LOC400499: variants seen among roughly 807,000 people sequenced by gnomAD.
At chr16:11,483,774 C>A in the LOC400499 span, among the ~76,000 whole-genome samples, 1 of 151,034 alleles carries the variant, frequency 6.6e-6, no homozygotes. Flanking sequence ...ACTCCGGAAG[C>A]TGAGGTGGAA....
chr16:11,472,766 G>C, the LOC400499 span: 2 of 152,240 alleles, frequency 1.3e-5, no homozygotes, highest in Admixed American at 1.3e-4. Context: ...TAACAGGTCA[G>C]TAAGTGTTGA....
the LOC400499 span, among the ~76,000 whole-genome samples, chr16:11,431,996 G>A: frequency 6.6e-6 from 1 of 152,178 alleles, no homozygotes; most frequent in Non-Finnish European, 1.5e-5. Flanking sequence ...CAGCCACCTG[G>A]TAAGAAGTCT....
the LOC400499 span, among the ~76,000 whole-genome samples, chr16:11,404,385 C>T: frequency 3.9e-5 from 6 of 152,222 alleles, no homozygotes; most frequent in South Asian, 1.0e-3. Flanking sequence ...GTCTCACTCT[C>T]GCTCAGGCTG....
chr16:11,520,166 G>C, the LOC400499 span, among the ~76,000 whole-genome samples: 2 of 152,108 alleles, frequency 1.3e-5, no homozygotes, highest in Non-Finnish European at 2.9e-5. Flanking sequence ...GATGGAGGGT[G>C]GTGATGGTTG....
At chr16:11,396,479 C>T in the LOC400499 span, 1 of 1,232,052 alleles carries the variant, frequency 8.1e-7, no homozygotes, top group Non-Finnish European at 1.0e-6. Context: ...ATATCTTTCC[C>T]AGGGACTGTC....
At chr16:11,482,418 T>C in the LOC400499 span, among the ~76,000 whole-genome samples, 5 of 152,154 alleles carry the variant, frequency 3.3e-5, no homozygotes, top group Non-Finnish European at 5.9e-5. Flanking sequence ...CTCTGTAACA[T>C]CCCATCAGGC....
the LOC400499 span, among the ~76,000 whole-genome samples, chr16:11,374,983 G>A: frequency 6.6e-6 from 1 of 151,938 alleles, no homozygotes; most frequent in Non-Finnish European, 1.5e-5. Flanking sequence ...CAAATAGCTG[G>A]GATTACAGGC....
At chr16:11,515,477 ACG>A in the LOC400499 span, among the ~76,000 whole-genome samples, 1 of 145,114 alleles carries the variant, frequency 6.9e-6, no homozygotes, top group African/African-American at 2.9e-5. Flanking sequence ...ATACATACGT[ACG>A]TACATACATA....
chr16:11,413,098 C>T, the LOC400499 span: 17 of 396,074 alleles, frequency 4.3e-5, 1 homozygote, highest in East Asian at 2.9e-4. Context: ...AACACTCTCA[C>T]AGGTGCTGAG....
At chr16:11,450,788 C>G in the LOC400499 span, 1 of 1,535,888 alleles carries the variant, frequency 6.5e-7, no homozygotes, top group Non-Finnish European at 8.7e-7. Context: ...GCTGCAGAGA[C>G]CATCAGCCAT....
At chr16:11,481,620 G>A in the LOC400499 span, among the ~76,000 whole-genome samples, 2 of 151,960 alleles carry the variant, frequency 1.3e-5, no homozygotes, top group African/African-American at 4.8e-5. Flanking sequence ...ACCGCGCCCA[G>A]CCCTATTTTA....
At chr16:11,382,051 C>G in the LOC400499 span, among the ~76,000 whole-genome samples, 4 of 152,118 alleles carry the variant, frequency 2.6e-5, no homozygotes, top group African/African-American at 9.7e-5. Flanking sequence ...ATTCTCCTGC[C>G]TCAGCCTTCA....
the LOC400499 span, among the ~76,000 whole-genome samples, chr16:11,413,665 C>G: frequency 2.0e-5 from 3 of 152,208 alleles, no homozygotes; most frequent in African/African-American, 4.8e-5. Flanking sequence ...CACACTCTCA[C>G]GTGTGACCCA....
the LOC400499 span, among the ~76,000 whole-genome samples, chr16:11,522,842 G>T: frequency 6.6e-6 from 1 of 152,070 alleles, no homozygotes; most frequent in Admixed American, 6.6e-5. Context: ...GGGGGATCTG[G>T]GGGTGAGGAG....
At chr16:11,450,731 C>T in the LOC400499 span, 2 of 1,536,154 alleles carry the variant, frequency 1.3e-6, no homozygotes, top group East Asian at 2.4e-5. Flanking sequence ...AGCGTTAGCT[C>T]CAGGACAGCC....
the LOC400499 span, chr16:11,384,777 C>T: frequency 0.19 from 181,539 of 974,658 alleles, 17,935 homozygotes; most frequent in Middle Eastern, 0.33. Context: ...GAGACGAGGC[C>T]GGCAGAGGCT....
At chr16:11,407,801 G>C in the LOC400499 span, among the ~76,000 whole-genome samples, 6 of 152,172 alleles carry the variant, frequency 3.9e-5, no homozygotes, top group African/African-American at 9.6e-5. Context: ...ACAGGGATAA[G>C]GACACCTATT....
At chr16:11,401,167 A>T in the LOC400499 span, 1 of 397,964 alleles carries the variant, frequency 2.5e-6, no homozygotes, top group Admixed American at 4.4e-5. Flanking sequence ...TGATGAACAC[A>T]CTCTCCTTCT....
At chr16:11,390,818 A>G in the LOC400499 span, among the ~76,000 whole-genome samples, 1 of 152,142 alleles carries the variant, frequency 6.6e-6, no homozygotes, top group Non-Finnish European at 1.5e-5. Context: ...GGTCCGTGCC[A>G]AGCAGCACCT....
Sources: allele counts gnomAD v4.1 joint callset (sites outside exome capture counted in the v4.1 genomes callset), GRCh38; gene constraint gnomAD v4.1.1; transcripts MANE v1.5.